Variants in HS3ST5 observed in about 807,000 individuals in gnomAD.
The protein encoded by HS3ST5 is heparan sulfate glucosamine 3-O-sulfotransferase 5.
HS3ST5 carries 10 observed loss-of-function variants against 25.4 expected under a neutral mutation model. The ratio of observed to expected loss-of-function variants is 0.39; its 90% CI spans 0.24 to 0.67. The LOEUF (loss-of-function observed/expected upper bound fraction) is 0.67, where lower values mean the gene tolerates loss of function less well. HS3ST5 is among the 30% of genes least tolerant of loss of function. HS3ST5 has a pLI of 0.44. For synonymous variants in HS3ST5, 170 were observed against 162.4 expected (o/e 1.05, Z -0.36); for missense variants, 324 against 420.7 (o/e 0.77, Z 2.01).
At chr6:114,279,279 A>G (rs895765904) in intron 1 of HS3ST5, among the ~76,000 whole-genome samples, 1 of 152,054 alleles carries the variant, frequency 6.6e-6, no homozygotes, top group African/African-American at 2.4e-5. Flanking sequence ...ACTAAAATGT[A>G]AAAGTGCTGC....
At chr6:114,211,263 T>C (rs1334340199) in intron 2 of HS3ST5, among the ~76,000 whole-genome samples, 1 of 152,228 alleles carries the variant, frequency 6.6e-6, no homozygotes, top group East Asian at 1.9e-4. Context: ...ATTTACTTTT[T>C]AAATTTTTAA....
intron 2 of HS3ST5, among the ~76,000 whole-genome samples, chr6:114,223,867 A>G (rs1782155535): frequency 6.6e-6 from 1 of 151,648 alleles, no homozygotes; most frequent in Admixed American, 6.6e-5. Context: ...ATAATACAGG[A>G]GCTGAATTTT....
chr6:114,335,904 G>A (rs945364747), intron 1 of HS3ST5, among the ~76,000 whole-genome samples: 2 of 151,942 alleles, frequency 1.3e-5, no homozygotes, highest in Admixed American at 6.6e-5. Flanking sequence ...TACCCGCTTC[G>A]GCCTCCCAAA....
chr6:114,297,383 G>T (rs925290955), intron 1 of HS3ST5, among the ~76,000 whole-genome samples: 11 of 152,112 alleles, frequency 7.2e-5, no homozygotes, highest in African/African-American at 2.7e-4. Context: ...ACCTGTAGAT[G>T]CACCCAGCCA....
At chr6:114,230,880 G>T (rs946655419) in intron 1 of HS3ST5, among the ~76,000 whole-genome samples, 1 of 151,992 alleles carries the variant, frequency 6.6e-6, no homozygotes, top group Non-Finnish European at 1.5e-5. Flanking sequence ...GAGCCACCGC[G>T]CCCGGCCCCT....
intron 1 of HS3ST5, among the ~76,000 whole-genome samples, chr6:114,283,407 C>CTTAG (rs1282787584): frequency 6.6e-6 from 1 of 151,850 alleles, no homozygotes; most frequent in Non-Finnish European, 1.5e-5. Context: ...AATATAAATG[C>CTTAG]TATCAAGACT....
At chr6:114,341,222 G>GGAGACAGAGAGAGAGAGAGA (rs1776841237) in intron 1 of HS3ST5, among the ~76,000 whole-genome samples, 1 of 46,600 alleles carries the variant, frequency 2.1e-5, no homozygotes, top group African/African-American at 1.2e-4. Context: ...GGAGAGAGGG[G>GGAGACAGAGAGAGAGAGAGA]GAGAGAGAGA....
chr6:114,148,419 G>C (rs952578284), intron 3 of HS3ST5, among the ~76,000 whole-genome samples: 2 of 152,180 alleles, frequency 1.3e-5, no homozygotes, highest in African/African-American at 4.8e-5. Flanking sequence ...AGGAGTTCGA[G>C]ACCAGCCTGG....
intron 2 of HS3ST5, among the ~76,000 whole-genome samples, chr6:114,206,627 C>G (rs1258378053): frequency 6.6e-6 from 1 of 152,130 alleles, no homozygotes. Flanking sequence ...AAATAATACT[C>G]TCTTTTAGCT....
chr6:114,303,752 CTTAAGA>C (rs1775180557), intron 1 of HS3ST5, among the ~76,000 whole-genome samples: 1 of 152,086 alleles, frequency 6.6e-6, no homozygotes. Context: ...ACACTGTCTA[CTTAAGA>C]TTATTTATGA....
intron 2 of HS3ST5, among the ~76,000 whole-genome samples, chr6:114,221,986 G>A (rs1410429976): frequency 8.3e-6 from 1 of 120,656 alleles, no homozygotes; most frequent in African/African-American, 2.6e-5. Context: ...TCTCAAGTAT[G>A]AATATCAAAT....
In HS3ST5 at chr6:114,057,941, G is replaced by A. The variant is rs889811996; in HGVS notation, c.357C>T (p.Ala119=). ...MLNLHPAVVK[A]SQEIHFFDND... is the part of the protein sequence containing the mutation. The stretch of plus-strand genomic sequence containing the variant: ...TATCAAAAAAGTGGATTTCTTGAGA[G>A]GCTTTGACTACTGCCGGATGTAGGT... The change falls in exon 5 of 5, where the codon GCC becomes GCT. Residue 119 remains alanine (A), a synonymous_variant. Transcript: ENST00000312719. 1 of 1,614,176 alleles carries A rather than the reference G, an allele frequency of 6.2e-7. No homozygotes were observed. Among genetic ancestry groups the A allele is most frequent in the Non-Finnish European group, 8.5e-7 (1 of 1,180,034 alleles).
chr6:114,280,315 TGAAAGTTAA>T (rs1292816110), intron 1 of HS3ST5, among the ~76,000 whole-genome samples: 5 of 151,876 alleles, frequency 3.3e-5, no homozygotes, highest in Admixed American at 6.6e-5. Flanking sequence ...ATGGCAGCCA[TGAAAGTTAA>T]GAAAGATTTA....
intron 2 of HS3ST5, among the ~76,000 whole-genome samples, chr6:114,211,944 A>G (rs1781526115): frequency 6.6e-6 from 1 of 152,246 alleles, no homozygotes; most frequent in Admixed American, 6.5e-5. Flanking sequence ...ATTGTTCTGC[A>G]ACAGCGTGGG....
chr6:114,306,558 T>A (rs944271550), intron 1 of HS3ST5, among the ~76,000 whole-genome samples: 2 of 151,986 alleles, frequency 1.3e-5, no homozygotes, highest in African/African-American at 4.8e-5. Context: ...GTTTCTATAT[T>A]TTAGCTGTGA....
In HS3ST5 at chr6:114,291,066, C is replaced by T. The variant is rs149691270; in HGVS notation, c.-339+51129G>A. 8.2e-4 allele frequency among the ~76,000 whole-genome samples: 124 copies of T among 152,134 alleles called. 1 individual carries two copies. Among genetic ancestry groups the T allele is most frequent in the African/African-American group, 2.9e-3 (120 of 41,476 alleles). ...CTCTTTCTGTCCCCTGTCAAATGGG[C>T]TCTCATTCTCAGGCCCTATCCAGGG... On this transcript the variant is annotated intron_variant, in intron 1 of 4. Transcript: ENST00000312719.
At chr6:114,339,741 G>C (rs1776749587) in intron 1 of HS3ST5, among the ~76,000 whole-genome samples, 1 of 152,198 alleles carries the variant, frequency 6.6e-6, no homozygotes, top group South Asian at 2.1e-4. Context: ...AAGGAGATTA[G>C]AGTCAACATC....
Position 114,057,704 on chromosome 6 carries a change from C to T in HS3ST5, c.594G>A (p.Glu198=), listed in dbSNP as rs2114690890. 1 of 1,614,066 alleles carries T rather than the reference C, an allele frequency of 6.2e-7. No homozygotes were observed. The highest frequency in any genetic ancestry group is 2.2e-5 in the East Asian group (1 of 44,890). ...AAGTTTTGTTCTTCCTCTCCTTCCC[C>T]TCTAGCACCTGAGTATAATCAGAAA... The part of the protein sequence containing the change: ...RAISDYTQVL[E]GKERKNKTYY... Residue 198 remains glutamate, a synonymous_variant, in exon 5 of 5, where the codon GAG becomes GAA. Transcript: ENST00000312719.
At chr6:114,283,901 G>T (rs1178743121) in intron 1 of HS3ST5, among the ~76,000 whole-genome samples, 1 of 151,956 alleles carries the variant, frequency 6.6e-6, no homozygotes, top group African/African-American at 2.4e-5. Flanking sequence ...ATACAGAGAG[G>T]AAGAACTTAT....
Sources: allele counts gnomAD v4.1 joint callset (sites outside exome capture counted in the v4.1 genomes callset), GRCh38; gene constraint gnomAD v4.1.1; transcripts MANE v1.5; gene names NCBI Gene and HGNC (gene_info 2026-07-23, HGNC 2026-07-21).